Variants in FAM186A observed in about 807,000 individuals in gnomAD.
The protein encoded by FAM186A is protein FAM186A.
Under a neutral mutation model 216.8 loss-of-function variants are expected in FAM186A, and 163 were observed. The ratio of observed to expected loss-of-function variants is 0.75; its 90% CI spans 0.66 to 0.86. The LOEUF (loss-of-function observed/expected upper bound fraction) is 0.86, where lower values mean the gene tolerates loss of function less well. Ranked by LOEUF, FAM186A falls within the 40% of genes least tolerant of loss-of-function variation. The probability of loss-of-function intolerance (pLI) is 0.00; values close to 1 mark genes in which losing one functional copy is unlikely to be tolerated. For synonymous variants in FAM186A, 805 were observed against 1,025.3 expected, an observed-to-expected ratio of 0.79 and a Z score of 4.10; for missense variants, 2,184 against 2,746.2, an observed-to-expected ratio of 0.80 and a Z score of 4.58.
chr12:50,378,577 CATATGTAAATTGTATATATATATAT>C (rs1943222793), intron 1 of FAM186A, among the ~76,000 whole-genome samples: 2 of 6,188 alleles, frequency 3.2e-4, no homozygotes, highest in African/African-American at 3.6e-4. Flanking sequence ...TATATATACA[CATATGTAAATTGTATATATATATAT>C]ACACATATGT....
chr12:50,358,604 A>T (rs574219884), intron 3 of FAM186A, among the ~76,000 whole-genome samples: 2 of 151,910 alleles, frequency 1.3e-5, no homozygotes, highest in Non-Finnish European at 1.5e-5. Context: ...AACAAAACAA[A>T]AACCTATATC....
At chr12:50,347,678 C>CAAAAA (rs71083539) in intron 4 of FAM186A, among the ~76,000 whole-genome samples, 1 of 145,274 alleles carries the variant, frequency 6.9e-6, no homozygotes. Context: ...GACTCCATCT[C>CAAAAA]AAAAAAAAAA....
chr12:50,386,628 G>A (rs1943306332), intron 1 of FAM186A, among the ~76,000 whole-genome samples: 1 of 152,078 alleles, frequency 6.6e-6, no homozygotes, highest in African/African-American at 2.4e-5. Context: ...GGGAGGCTGA[G>A]GCAGGCAGAT....
At chr12:50,377,658 C>T (rs1943210802) in intron 1 of FAM186A, among the ~76,000 whole-genome samples, 2 of 151,434 alleles carry the variant, frequency 1.3e-5, no homozygotes, top group Non-Finnish European at 2.9e-5. Flanking sequence ...CATGGTGAAA[C>T]CCTGTCTCTA....
chr12:50,327,532 A>T, intron 7 of FAM186A, 128 bp from the exon 8 acceptor site: 21 of 578,884 alleles, frequency 3.6e-5, no homozygotes, highest in Non-Finnish European at 5.9e-5. Flanking sequence ...TAAAATCTGT[A>T]TGTAATCCTT....
intron 1 of FAM186A, among the ~76,000 whole-genome samples, chr12:50,381,134 G>A (rs1243534785): frequency 4.6e-5 from 7 of 152,172 alleles, no homozygotes; most frequent in Non-Finnish European, 7.3e-5. Flanking sequence ...CCTGGCTTAG[G>A]GAGTTTCTAG....
chr12:50,395,282 T>G (rs1943402700), intron 1 of FAM186A, among the ~76,000 whole-genome samples: 1 of 151,518 alleles, frequency 6.6e-6, no homozygotes, highest in Admixed American at 6.6e-5. Flanking sequence ...AGACAGGAGG[T>G]CTCCTTATGT....
chr12:50,356,999 AACATACATACATACAT>A (rs71749786), intron 3 of FAM186A, among the ~76,000 whole-genome samples: 15,431 of 149,828 alleles, frequency 0.1, 1,576 homozygotes, highest in East Asian at 0.32. Context: ...ACTTCGTCTC[AACATACATACATACAT>A]ACATACATAC....
rs1005386790 is a variant in FAM186A at position 50,361,535 on chromosome 12, C to T, written c.413-609G>A. The stretch of plus-strand genomic sequence containing the variant: ...GTTTTAATATTGGAGATCTAAGCCC[C>T]AATTAACTCATTTGGCAAGTTTATC... On this transcript the variant is annotated intron_variant, in intron 2 of 7. Transcript: ENST00000327337. Among the ~76,000 whole-genome samples the T allele has an allele frequency of 2.7e-5, 4 of 150,318 alleles. No individual in the cohort carries two copies. In the Admixed American group the frequency reaches 2.7e-4, roughly 10 times the overall value.
At chr12:50,362,882 G>T (rs555522177) in intron 2 of FAM186A, among the ~76,000 whole-genome samples, 1 of 151,972 alleles carries the variant, frequency 6.6e-6, no homozygotes, top group Admixed American at 6.6e-5. Context: ...GGTGGAAGAT[G>T]CTCCAGATAA....
At chr12:50,392,713 C>G (rs1943371401) in intron 1 of FAM186A, 2 of 151,830 alleles carry the variant, frequency 1.3e-5, no homozygotes, top group Admixed American at 1.3e-4. Context: ...ATTCTACTGC[C>G]TCAGCCTCCC....
At chr12:50,375,039 G>T (rs191938079) in intron 1 of FAM186A, among the ~76,000 whole-genome samples, 3 of 152,080 alleles carry the variant, frequency 2.0e-5, no homozygotes, top group Middle Eastern at 3.4e-3. Context: ...TTAGCCGGGC[G>T]TGGTGGCATG....
intron 1 of FAM186A, among the ~76,000 whole-genome samples, chr12:50,369,133 T>G (rs1157880463): frequency 6.6e-6 from 1 of 152,076 alleles, no homozygotes; most frequent in African/African-American, 2.4e-5. Context: ...AAAGGCTTCA[T>G]GGCATTGGAT....
chr12:50,351,775 T>G lies in FAM186A; in HGVS notation c.5057A>C (p.Lys1686Thr). 1 of 1,550,886 alleles carries G rather than the reference T, an allele frequency of 6.4e-7. No homozygotes were observed. The highest frequency in any genetic ancestry group is 8.7e-7 in the Non-Finnish European group (1 of 1,146,570). ...ATCTAAGGTGAGAGGAACCCCTAAC[T>G]TCAATAACTGTTCTTGAGCCTGTTC... ...NLEQAQEQLL[K>T]LGVPLTLDKA... Residue 1686 changes from lysine (K) to threonine (T), a missense_variant, in exon 4 of 8, where the codon AAG (lysine) becomes ACG (threonine). Transcript: ENST00000327337.
intron 4 of FAM186A, among the ~76,000 whole-genome samples, chr12:50,344,231 A>G (rs1301717739): frequency 2.0e-5 from 3 of 152,176 alleles, no homozygotes; most frequent in Non-Finnish European, 4.4e-5. Context: ...TTATGACCAT[A>G]GTACCCAATA....
At chr12:50,392,146 G>A (rs1160764341) in intron 1 of FAM186A, among the ~76,000 whole-genome samples, 1 of 152,020 alleles carries the variant, frequency 6.6e-6, no homozygotes, top group Admixed American at 6.6e-5. Context: ...GGGGATTGGG[G>A]GTGGGGGGCA....
chr12:50,351,001 T>C lies in FAM186A; in HGVS notation c.5831A>G (p.Gln1944Arg), dbSNP rs1450143679. The C allele has an allele frequency of 6.4e-7, 1 of 1,551,524 alleles. No individual in the cohort carries two copies. ...LWPSPAPGKP[Q>R]KSWSPSVAKK... ...AGCAACAGAAGGGGACCAACTTTTC[T>C]GGGGCTTTCCAGGGGCTGGGGACGG... Residue 1944 changes from glutamine to arginine, a missense_variant, in exon 4 of 8, where the codon CAG (glutamine) becomes CGG (arginine). Gln to Arg is a conservative substitution (Grantham distance 43). This residue lies in a region of FAM186A where 721 missense variants were observed against 816.4 expected (regional missense o/e 0.88). Coordinates refer to ENST00000327337, the MANE Select transcript of FAM186A (RefSeq NM_001145475.3).
chr12:50,352,452 G>A lies in FAM186A; in HGVS notation c.4380C>T (p.Thr1460=), dbSNP rs761850795. ...QQAQELGITL[T]PQQAQELGIP... is the part of the protein sequence containing the mutation. ...TCCCCAATTCCTGAGCCTGCTGAGG[G>A]GTGAGAGTGATCCCCAGCTCCTGAG... Residue 1460 remains threonine, a synonymous_variant, in exon 4 of 8, where the codon ACC becomes ACT. Coordinates refer to ENST00000327337, the MANE Select transcript of FAM186A (RefSeq NM_001145475.3). 15 of 1,502,580 alleles carry A rather than the reference G, an allele frequency of 1.0e-5. No individual in the cohort carries two copies. The African/African-American group carries it at 1.4e-4, about 14-fold the overall frequency. 93.1% of individuals were successfully genotyped at this position (1,502,580 alleles called of 1,614,324 possible). A position where few individuals can be genotyped will look rare whatever the true frequency, so the allele number is the denominator to read the frequency against.
chr12:50,374,100 A>G (rs1295259230), intron 1 of FAM186A, among the ~76,000 whole-genome samples: 2 of 141,888 alleles, frequency 1.4e-5, no homozygotes, highest in Admixed American at 7.8e-5. Flanking sequence ...GAACTGAACA[A>G]TGAGAACACA....
Sources: gnomAD v4.1 joint callset for allele counts (sites outside exome capture counted in the v4.1 genomes callset) on GRCh38, gnomAD v4.1.1 for gene constraint, gnomAD v4.1.1 regional missense constraint, MANE v1.5 for transcripts, NCBI Gene and HGNC (gene_info 2026-07-23, HGNC 2026-07-21) for gene names.